The following ZNF385D variants were observed in gnomAD, a reference collection of about 807,000 sequenced individuals.
The protein encoded by ZNF385D is zinc finger protein 385D.
ZNF385D carries 15 observed loss-of-function variants against 35.8 expected under a neutral mutation model. The observed-to-expected ratio is 0.42, with a 90% confidence interval of 0.28 to 0.64. The LOEUF is 0.64. Among genes scored for constraint, ZNF385D ranks in the 30% least tolerant of loss-of-function variants. ZNF385D has a pLI of 0.23. For missense variants in ZNF385D, 474 were observed against 494.6 expected, an observed-to-expected ratio of 0.96 and a Z score of 0.39; for synonymous variants, 212 against 186.8, an observed-to-expected ratio of 1.13 and a Z score of -1.10.
chr3:22,260,237 A>G (rs1244706388), intron 2 of ZNF385D, among the ~76,000 whole-genome samples: 1 of 151,978 alleles, frequency 6.6e-6, no homozygotes, highest in East Asian at 1.9e-4. Flanking sequence ...CTAACACAGG[A>G]ACAGAAAACC....
intron 2 of ZNF385D, among the ~76,000 whole-genome samples, chr3:22,299,352 C>G (rs541407971): frequency 1.3e-5 from 2 of 151,848 alleles, no homozygotes; most frequent in South Asian, 2.1e-4. Context: ...TAACTTTACT[C>G]TAGGCCCTGA....
rs1299136410 is a variant in ZNF385D, at chr3:21,613,253, C to T, written c.166-48569G>A. ...CAAGCTGAATGTATACCCAACTCAA[C>T]TTCCCCCATGAGCCCTATTCTAAAA... is the stretch of plus-strand genomic sequence containing the variant. On this transcript the variant is annotated intron_variant, in intron 2 of 7. Coordinates refer to ENST00000281523, the MANE Select transcript of ZNF385D (RefSeq NM_024697.3). 2.6e-5 allele frequency among the ~76,000 whole-genome samples: 4 copies of T among 152,112 alleles called. No homozygotes were observed. In the South Asian group the frequency reaches 8.3e-4, roughly 32 times the overall value.
intron 2 of ZNF385D, among the ~76,000 whole-genome samples, chr3:22,367,835 G>A (rs118128938): frequency 0.013 from 2,000 of 152,216 alleles, 32 homozygotes; most frequent in South Asian, 0.048. Flanking sequence ...AAAGTTAACA[G>A]GGAACATCTG....
rs140274686 is a variant in ZNF385D at position 22,094,385 on chromosome 3, GATATAT to G, written c.325+74426_325+74431del. The stretch of plus-strand genomic sequence containing the variant: ...CCATTGTCTTCTGTCATTTATTGTT[GATATAT>G]ATATATATATATATATATAAAGGCA... On this transcript the variant is annotated intron_variant, in intron 3 of 5. Transcript: ENST00000494108. Among the ~76,000 whole-genome samples, 147 of 70,832 alleles carry G rather than the reference GATATAT, an allele frequency of 2.1e-3. 10 individuals carry two copies. Among genetic ancestry groups the G allele is most frequent in the African/African-American group, 5.5e-3 (127 of 23,206 alleles). 46.5% of individuals were successfully genotyped at this position (70,832 alleles called of 152,430 possible). A position where few individuals can be genotyped will look rare whatever the true frequency, so the allele number is the denominator to read the frequency against.
chr3:21,686,696 C>A (rs980017624), intron 1 of ZNF385D, among the ~76,000 whole-genome samples: 3 of 152,184 alleles, frequency 2.0e-5, no homozygotes, highest in Admixed American at 2.0e-4. Flanking sequence ...AGTGTGCAGT[C>A]GCCACATGTG....
rs554769212 is a variant in ZNF385D at position 21,914,563 on chromosome 3, G to A, written c.326-249535C>T. Among the ~76,000 whole-genome samples, 15 of 151,966 alleles carry A rather than the reference G, an allele frequency of 9.9e-5. No individual in the cohort carries two copies. In the East Asian group the frequency reaches 2.3e-3, roughly 24 times the overall value. On this transcript the variant is annotated intron_variant, in intron 3 of 5. Transcript: ENST00000494108. The stretch of plus-strand genomic sequence containing the variant: ...GAGCAAATTTAATTGGCATGAAGTC[G>A]AGATACATAATTATTTAAATTATGA...
intron 2 of ZNF385D, among the ~76,000 whole-genome samples, chr3:22,271,684 C>T (rs564575326): frequency 6.6e-6 from 1 of 151,998 alleles, no homozygotes; most frequent in East Asian, 2.0e-4. Context: ...AAAAACTCCC[C>T]CCACCCTCTG....
At chr3:21,491,941 A>G (rs770884317) in intron 4 of ZNF385D, among the ~76,000 whole-genome samples, 29 of 152,160 alleles carry the variant, frequency 1.9e-4, no homozygotes, top group Non-Finnish European at 3.7e-4. Context: ...AGCTACACAC[A>G]CACAGACACA....
intron 3 of ZNF385D, among the ~76,000 whole-genome samples, chr3:21,916,332 T>A (rs779028): frequency 0.92 from 139,370 of 152,102 alleles, 63,946 homozygotes; most frequent in East Asian, 0.98. Context: ...TACTATTTAA[T>A]TTTGTTCTTC....
At chr3:21,750,743 T>C (rs569558216) in intron 1 of ZNF385D, 152 bp downstream of exon 1, 12 of 872,824 alleles carry the variant, frequency 1.4e-5, no homozygotes, top group African/African-American at 1.2e-4. Context: ...AAAGGAAGCT[T>C]TGAAGGCTGC....
At chr3:21,809,423 G>C (rs1184256215) in intron 3 of ZNF385D, among the ~76,000 whole-genome samples, 1 of 151,904 alleles carries the variant, frequency 6.6e-6, no homozygotes, top group African/African-American at 2.4e-5. Context: ...TTCAACATAT[G>C]TAGGTAGCAT....
chr3:22,274,008 C>T (rs910241585), intron 2 of ZNF385D, among the ~76,000 whole-genome samples: 2 of 151,986 alleles, frequency 1.3e-5, no homozygotes, highest in African/African-American at 2.4e-5. Flanking sequence ...GGATACTACT[C>T]ATCAAAGAAG....
intron 2 of ZNF385D, among the ~76,000 whole-genome samples, chr3:22,188,019 G>A (rs1174811576): frequency 6.6e-6 from 1 of 152,208 alleles, no homozygotes; most frequent in Non-Finnish European, 1.5e-5. Context: ...TAGAATTCAT[G>A]AAGCTGCAGT....
intron 2 of ZNF385D, among the ~76,000 whole-genome samples, chr3:21,648,317 C>T (rs187183697): frequency 1.6e-3 from 241 of 152,258 alleles, no homozygotes; most frequent in Non-Finnish European, 2.8e-3. Context: ...GCTTCCTCTT[C>T]GCCTTCTGCC....
chr3:22,344,782 T>A (rs776148489), intron 2 of ZNF385D, among the ~76,000 whole-genome samples: 6 of 152,190 alleles, frequency 3.9e-5, no homozygotes, highest in Non-Finnish European at 5.9e-5. Flanking sequence ...GTATATTTAA[T>A]GAGGATAAAT....
At chr3:22,276,508 A>C (rs2125371391) in intron 2 of ZNF385D, among the ~76,000 whole-genome samples, 1 of 152,294 alleles carries the variant, frequency 6.6e-6, no homozygotes, top group Non-Finnish European at 1.5e-5. Flanking sequence ...CAAGCAATGC[A>C]CCTAAAGGTG....
At chr3:21,916,848 G>A (rs1009128030) in intron 3 of ZNF385D, among the ~76,000 whole-genome samples, 1 of 152,118 alleles carries the variant, frequency 6.6e-6, no homozygotes, top group Non-Finnish European at 1.5e-5. Flanking sequence ...TGTGTAAAAG[G>A]AAACTTAGCT....
Position 21,800,754 on chromosome 3 carries a change from G to A in ZNF385D, c.326-135726C>T, listed in dbSNP as rs1421577111. On this transcript the variant is annotated intron_variant, in intron 3 of 5. Transcript: ENST00000494108. ...CAGTTGTCTTTTGTTTGTTGATCTT[G>A]TTTATTGGCTCTAAGAGTTTTTTTG... Among the ~76,000 whole-genome samples the A allele has an allele frequency of 5.9e-5, 9 of 152,014 alleles. No individual in the cohort carries two copies. In the East Asian group the frequency reaches 1.7e-3, roughly 29 times the overall value.
chr3:22,242,750 T>C (rs564023319), intron 2 of ZNF385D, among the ~76,000 whole-genome samples: 1 of 151,268 alleles, frequency 6.6e-6, no homozygotes, highest in East Asian at 2.0e-4. Flanking sequence ...CCATAGTTAA[T>C]GGATTATACC....
Sources: allele counts gnomAD v4.1 joint callset (sites outside exome capture counted in the v4.1 genomes callset), GRCh38; gene constraint gnomAD v4.1.1; transcripts MANE v1.5; gene names NCBI Gene and HGNC (gene_info 2026-07-23, HGNC 2026-07-21).